Variants in NRIP2 observed in about 807,000 individuals in gnomAD.
NRIP2 encodes nuclear receptor-interacting protein 2.
A neutral mutation model predicts 34.1 loss-of-function variants in NRIP2; 27 were observed. That is an observed-to-expected ratio of 0.79 (90% CI 0.58 to 1.09). The LOEUF is 1.09. Ranked by LOEUF, NRIP2 falls within the 50% of genes least tolerant of loss-of-function variation. The pLI is 0.00. For synonymous variants in NRIP2, 145 were observed against 146.9 expected (o/e 0.99, Z 0.09); for missense variants, 385 against 352.6 (o/e 1.09, Z -0.74).
At chr12:2,831,395 C>T (rs1007638804) in intron 1 of NRIP2, among the ~76,000 whole-genome samples, 10 of 151,814 alleles carry the variant, frequency 6.6e-5, no homozygotes, top group African/African-American at 2.2e-4. Context: ...ACCAGCCTGG[C>T]CAACATGGTG....
intron 2 of NRIP2, among the ~76,000 whole-genome samples, chr12:2,829,804 G>A (rs2097990986): frequency 6.6e-6 from 1 of 150,428 alleles, no homozygotes; most frequent in African/African-American, 2.5e-5. Flanking sequence ...GTCGAGGGGT[G>A]CGGTGGCTCA....
intron 1 of NRIP2, among the ~76,000 whole-genome samples, chr12:2,834,006 TCA>T (rs1394772303): frequency 6.6e-6 from 1 of 152,128 alleles, no homozygotes; most frequent in African/African-American, 2.4e-5. Flanking sequence ...CGCCGCCCAC[TCA>T]CATCCTCACT....
chr12:2,835,001 A>G lies in NRIP2; in HGVS notation c.-18T>C, dbSNP rs373649173. On this transcript the variant is annotated 5_prime_UTR_variant, in exon 1 of 6. Coordinates refer to ENST00000337508, the MANE Select transcript of NRIP2 (RefSeq NM_031474.3). Reference sequence around the variant, plus strand: ...AATAACATGCAGGAGCAGCCGCGTCAGTCTCCAATTTCCCGAGATTGCTGT... The same window carrying G: ...AATAACATGCAGGAGCAGCCGCGTCGGTCTCCAATTTCCCGAGATTGCTGT... 8 of 1,538,468 alleles carry G rather than the reference A, an allele frequency of 5.2e-6. No homozygotes were observed. In the East Asian group the frequency reaches 1.1e-4, roughly 22 times the overall value.
In NRIP2 at chr12:2,827,913, AG is replaced by A. The variant is rs765454063; in HGVS notation, c.700+12del. 6.2e-7 allele frequency: 1 copy of A among 1,613,784 alleles called. No individual in the cohort carries two copies. Among genetic ancestry groups the A allele is most frequent in the African/African-American group, 1.3e-5 (1 of 74,932 alleles). On this transcript the variant is annotated intron_variant, in intron 4 of 5. Transcript: ENST00000337508. The surrounding 1 kb of genome is among the most constrained non-coding windows in gnomAD (Gnocchi z 4.0). ...AGGTGAGCACCAGGGCTGTTGCAGA[AG>A]GGGGGACTTACCCACCACCTGTGCC...
chr12:2,833,285 C>T (rs146279602), intron 1 of NRIP2, among the ~76,000 whole-genome samples: 2,072 of 152,178 alleles, frequency 0.014, 26 homozygotes, highest in Non-Finnish European at 0.021. Context: ...CCATTGAGAG[C>T]CGAAGAACCC....
In NRIP2 at chr12:2,828,414, A is replaced by G. The variant is rs1390025956; in HGVS notation, c.496T>C (p.Cys166Arg). 6.2e-7 allele frequency: 1 copy of G among 1,613,358 alleles called. No individual in the cohort carries two copies. The highest frequency in any genetic ancestry group is 1.3e-5 in the African/African-American group (1 of 74,878). The change falls in exon 3 of 6, where the codon TGC becomes CGC. Residue 166 changes from cysteine to arginine, a missense_variant and splice_region_variant. Physicochemically the swap from Cys to Arg is radical, Grantham distance 180. Transcript: ENST00000337508. Reference protein sequence around the residue: ...EIPALLVNCKCQDQLLRVAVD... With the variant: ...EIPALLVNCKRQDQLLRVAVD... ...GCCACTCTAAGCAGCTGGTCCTGGC[A>G]CTAAGAAAGAAGAATCGTGGTGAAT...
In NRIP2 at chr12:2,830,775, A is replaced by C. The variant is rs771809132; in HGVS notation, c.428T>G (p.Ile143Ser). 3.1e-6 allele frequency: 5 copies of C among 1,613,906 alleles called. No individual in the cohort carries two copies. The Admixed American group carries it at 8.3e-5, about 27-fold the overall frequency. Residue 143 changes from isoleucine to serine, a missense_variant, in exon 2 of 6, where the codon ATT becomes AGT. Transcript: ENST00000337508. ...QGEPPRMQDL[I>S]HGQESRRKTS... ...CTTCCTCCTGCTCTCCTGGCCATGA[A>C]TCAGGTCCTGCATCCGGGGAGGCTC...
rs1032141992 is a variant in NRIP2, at chr12:2,829,478, G to A, written c.496-1064C>T. 3.3e-5 allele frequency among the ~76,000 whole-genome samples: 5 copies of A among 152,162 alleles called. No individual in the cohort carries two copies. The East Asian group carries it at 5.8e-4, about 18-fold the overall frequency. On this transcript the variant is annotated intron_variant, in intron 2 of 5. Coordinates refer to ENST00000337508, the MANE Select transcript of NRIP2 (RefSeq NM_031474.3). ...GCAGAAAGTTTTATGGTCTATAAAA[G>A]GATGTGAATGCCCTGGCCCTGTGGC...
At chr12:2,831,235 T>C (rs1319558363) in intron 1 of NRIP2, among the ~76,000 whole-genome samples, 1 of 151,534 alleles carries the variant, frequency 6.6e-6, no homozygotes, top group Non-Finnish European at 1.5e-5. Context: ...TCTGACCTCA[T>C]CCTTCAATGG....
chr12:2,830,755 TC>T lies in NRIP2; in HGVS notation c.447del (p.Arg150GlyfsTer45). On this transcript the variant is annotated frameshift_variant, in exon 2 of 6. Coordinates refer to ENST00000337508, the MANE Select transcript of NRIP2 (RefSeq NM_031474.3). LOFTEE classifies it high-confidence loss of function. ...GGAATCTCTGTCCTGCTGGTCTTCC[TC>T]CTGCTCTCCTGGCCATGAATCAGGT... Reference protein sequence around the residue: ...MQDLIHGQESRRKTSRTEIPA... With the variant: ...MQDLIHGQESXRKTSRTEIPA... 1.2e-6 allele frequency: 2 copies of T among 1,613,958 alleles called. No homozygotes were observed. The highest frequency in any genetic ancestry group is 1.7e-6 in the Non-Finnish European group (2 of 1,179,930).
chr12:2,832,940 G>A (rs2098010843), intron 1 of NRIP2, among the ~76,000 whole-genome samples: 2 of 151,766 alleles, frequency 1.3e-5, no homozygotes, highest in Non-Finnish European at 2.9e-5. Context: ...AGCGAGCTCT[G>A]GGATTGGCTG....
rs1291129528 is a variant in NRIP2, at chr12:2,830,780, G to A, written c.423C>T (p.Asp141=). The stretch of plus-strand genomic sequence containing the variant: ...TCCTGCTCTCCTGGCCATGAATCAG[G>A]TCCTGCATCCGGGGAGGCTCCCCCT... ...WLQGEPPRMQ[D]LIHGQESRRK... The change falls in exon 2 of 6, where the codon GAC becomes GAT. Residue 141 remains aspartate (D), a synonymous_variant. Transcript: ENST00000337508. 2 of 1,613,762 alleles carry A rather than the reference G, an allele frequency of 1.2e-6. No individual in the cohort carries two copies. Among genetic ancestry groups the A allele is most frequent in the Non-Finnish European group, 1.7e-6 (2 of 1,179,926 alleles).
intron 2 of NRIP2, 27 bp downstream of exon 2, chr12:2,830,681 A>G (rs2153926102): frequency 6.3e-7 from 1 of 1,592,188 alleles, no homozygotes; most frequent in Non-Finnish European, 8.5e-7. Context: ...GTTGTTAATG[A>G]AAGTGTGTCC....
chr12:2,831,500 C>T (rs2098002625), intron 1 of NRIP2, among the ~76,000 whole-genome samples: 1 of 152,026 alleles, frequency 6.6e-6, no homozygotes, highest in African/African-American at 2.4e-5. Flanking sequence ...GTGATAGTCA[C>T]CTGAACCTAG....
Position 2,825,702 on chromosome 12 carries a change from T to A in NRIP2, c.*1505A>T, listed in dbSNP as rs1288385837. On this transcript the variant is annotated 3_prime_UTR_variant, in exon 6 of 6. Coordinates refer to ENST00000337508, the MANE Select transcript of NRIP2 (RefSeq NM_031474.3). ...CAGTCAACCCCAGGCTCAAGACTGT[T>A]TCAGCCCAACGGTCCCAGTTCCCTT... 2 of 152,452 alleles carry A rather than the reference T, an allele frequency of 1.3e-5. No homozygotes were observed. Among genetic ancestry groups the A allele is most frequent in the Non-Finnish European group, 2.9e-5 (2 of 68,210 alleles). The allele number at this position is 152,452 out of a possible 1,614,324, so 9.4% of individuals were successfully genotyped here.
At position 2,830,859 on chromosome 12, in the gene NRIP2, T is replaced by C; in HGVS notation, c.344A>G (p.Gln115Arg). Residue 115 changes from glutamine (Q) to arginine (R), a missense_variant and splice_region_variant, in exon 2 of 6, where the codon CAG becomes CGG. Coordinates refer to ENST00000337508, the MANE Select transcript of NRIP2 (RefSeq NM_031474.3). ...GCGTCTTTGGATCACACTGCGCGGCTGCTGGCTCCATCACAAAACAATGAA... is the reference window on the plus strand; with the variant it reads ...GCGTCTTTGGATCACACTGCGCGGCCGCTGGCTCCATCACAAAACAATGAA... ...LKRLGTSKDLQPRSVIQRRLV... is the reference protein window; with the variant it reads ...LKRLGTSKDLRPRSVIQRRLV... 6.2e-7 allele frequency: 1 copy of C among 1,612,196 alleles called. No homozygotes were observed. Among genetic ancestry groups the C allele is most frequent in the Non-Finnish European group, 8.5e-7 (1 of 1,179,228 alleles).
In NRIP2 at chr12:2,830,813, ATTCGGGT is replaced by A; in HGVS notation, c.383_389del (p.Asn128IlefsTer13). 6.2e-7 allele frequency: 1 copy of A among 1,613,722 alleles called. No individual in the cohort carries two copies. The highest frequency in any genetic ancestry group is 1.7e-5 in the Admixed American group (1 of 59,984). On this transcript the variant is annotated frameshift_variant, in exon 2 of 6. Transcript: ENST00000337508. LOFTEE classifies it high-confidence loss of function. ...TCCGGGGAGGCTCCCCCTGAAGCCA[ATTCGGGT>A]TTCCCTCCACCAGGCGTCTTTGGAT...
At position 2,826,826 on chromosome 12, in the gene NRIP2, G is replaced by C. The variant is rs1603483671; in HGVS notation, c.*381C>G. 6.9e-6 allele frequency: 2 copies of C among 290,306 alleles called. No individual in the cohort carries two copies. Among genetic ancestry groups the C allele is most frequent in the Non-Finnish European group, 1.2e-5 (2 of 164,534 alleles). The allele number at this position is 290,306 out of a possible 1,614,324, so 18.0% of individuals were successfully genotyped here. A position where few individuals can be genotyped will look rare whatever the true frequency, so the allele number is the denominator to read the frequency against. ...GAGAGACATGGTGGTGTGGGAAGTT[G>C]AGTTGTGTTTGGGGTGGTATTGGGT... On this transcript the variant is annotated 3_prime_UTR_variant, in exon 6 of 6. Transcript: ENST00000337508.
Position 2,827,040 on chromosome 12 carries a change from G to A in NRIP2, c.*167C>T. 6.8e-7 allele frequency: 1 copy of A among 1,460,740 alleles called. No homozygotes were observed. Among genetic ancestry groups the A allele is most frequent in the Non-Finnish European group, 9.0e-7 (1 of 1,114,766 alleles). The allele number at this position is 1,460,740 out of a possible 1,614,324, so 90.5% of individuals were successfully genotyped here. A position where few individuals can be genotyped will look rare whatever the true frequency, so the allele number is the denominator to read the frequency against. On this transcript the variant is annotated 3_prime_UTR_variant, in exon 6 of 6. Coordinates refer to ENST00000337508, the MANE Select transcript of NRIP2 (RefSeq NM_031474.3). This position sits in a 1 kb window ranked among gnomAD's most constrained non-coding sequence, Gnocchi z 4.0. ...GGAGTAGGACAGCTGCTGAGAAGCA[G>A]AGAGGAATGCGGCCAGCTGGGGAAA...
Sources: allele counts gnomAD v4.1 joint callset (sites outside exome capture counted in the v4.1 genomes callset), GRCh38; gene constraint gnomAD v4.1.1; non-coding constraint Gnocchi (gnomAD v3.1); transcripts MANE v1.5; gene names NCBI Gene and HGNC (gene_info 2026-07-23, HGNC 2026-07-21).